TENM2: variants seen among roughly 807,000 people sequenced by gnomAD.
TENM2 encodes teneurin-2.
A neutral mutation model predicts 245.2 loss-of-function variants in TENM2; 52 were observed. The ratio of observed to expected loss-of-function variants is 0.21; its 90% CI spans 0.17 to 0.27. TENM2 has a LOEUF of 0.27. Among genes scored for constraint, TENM2 ranks in the 10% least tolerant of loss-of-function variants. The pLI is 1.00. For missense variants in TENM2, 3,046 were observed against 3,666.8 expected (o/e 0.83, Z 4.37); for synonymous variants, 1,363 against 1,438.9 (o/e 0.95, Z 1.19).
chr5:167,260,935 A>G, the TENM2 span, among the ~76,000 whole-genome samples: 3 of 152,318 alleles, frequency 2.0e-5, no homozygotes, highest in Admixed American at 1.3e-4. Context: ...AGAGCTTTAC[A>G]TGAACTAGGT....
chr5:167,830,156 G>T (rs559127791), intron 2 of TENM2, among the ~76,000 whole-genome samples: 125 of 152,262 alleles, frequency 8.2e-4, no homozygotes, highest in Middle Eastern at 3.4e-3. Flanking sequence ...TCATCAGATG[G>T]GCAGATGGGT....
At chr5:168,200,927 G>T (rs1212847439) in intron 17 of TENM2, among the ~76,000 whole-genome samples, 1 of 152,186 alleles carries the variant, frequency 6.6e-6, no homozygotes, top group African/African-American at 2.4e-5. Flanking sequence ...GTAAAGATAA[G>T]TTACCAAAGT....
At chr5:167,697,114 C>T (rs555872395) in intron 2 of TENM2, among the ~76,000 whole-genome samples, 30 of 152,282 alleles carry the variant, frequency 2.0e-4, no homozygotes, top group African/African-American at 7.2e-4. Context: ...AATAGCACCA[C>T]AGTCATCCCT....
the TENM2 span, among the ~76,000 whole-genome samples, chr5:167,270,995 T>G: frequency 0.12 from 17,662 of 152,112 alleles, 1,216 homozygotes; most frequent in East Asian, 0.19. Flanking sequence ...ATTCATGAAA[T>G]TGGGAGCTTG....
In TENM2 at chr5:167,633,534, A is replaced by G. The variant is rs146775145; in HGVS notation, c.503-242452A>G. ...ACATGGCAAATGCTGGATTTAATCC[A>G]AGCTAATTTTACTTCATAATATCAG... is the stretch of plus-strand genomic sequence containing the variant. On this transcript the variant is annotated intron_variant, in intron 2 of 28. Transcript: ENST00000518659. Among the ~76,000 whole-genome samples the G allele has an allele frequency of 2.8e-4, 42 of 152,322 alleles. 1 individual carries two copies. The highest frequency in any genetic ancestry group is 9.6e-4 in the African/African-American group (40 of 41,584).
In TENM2 at chr5:168,053,500, C is replaced by T. The variant is rs574024868; in HGVS notation, c.1309+5951C>T. Among the ~76,000 whole-genome samples the T allele has an allele frequency of 5.3e-5, 8 of 152,256 alleles. No individual in the cohort carries two copies. In the East Asian group the frequency reaches 1.5e-3, roughly 29 times the overall value. Reference sequence around the variant, plus strand: ...GTGGTATACCTCTGATATGTTGGCCCTTCATACCCACGGGTATCCACAGAT... The same window carrying T: ...GTGGTATACCTCTGATATGTTGGCCTTTCATACCCACGGGTATCCACAGAT... On this transcript the variant is annotated intron_variant, in intron 6 of 28. Transcript: ENST00000518659.
At chr5:168,040,099 T>C (rs1026145508) in intron 5 of TENM2, among the ~76,000 whole-genome samples, 1 of 152,158 alleles carries the variant, frequency 6.6e-6, no homozygotes, top group Admixed American at 6.5e-5. Flanking sequence ...TGCTCCCTGA[T>C]CCCAGAGCTG....
At chr5:167,106,432 T>C in the TENM2 span, among the ~76,000 whole-genome samples, 1 of 152,266 alleles carries the variant, frequency 6.6e-6, no homozygotes, top group East Asian at 1.9e-4. Context: ...AGATAGCATG[T>C]TGAGTGTATT....
intron 12 of TENM2, among the ~76,000 whole-genome samples, chr5:168,130,574 G>A (rs187437514): frequency 4.6e-4 from 70 of 152,200 alleles, no homozygotes; most frequent in African/African-American, 1.7e-3. Context: ...CCTGTCATCT[G>A]CCACCACCAC....
the TENM2 span, among the ~76,000 whole-genome samples, chr5:167,035,907 TA>T: frequency 6.6e-6 from 1 of 152,120 alleles, no homozygotes; most frequent in African/African-American, 2.4e-5. Flanking sequence ...CACGCCCAGA[TA>T]ATTTTTGTAT....
rs1384799926 is a variant in TENM2 at position 167,676,426 on chromosome 5, T to TCAATGCAC, written c.503-199558_503-199551dup. On this transcript the variant is annotated intron_variant, in intron 2 of 28. Coordinates refer to ENST00000518659, the Ensembl canonical transcript of TENM2. ...TACAGTCTGGGTGAAAAGGGAAAACTCAATGCACCTGCTCTTTATTCTTAT... is the reference window on the plus strand; with the variant it reads ...TACAGTCTGGGTGAAAAGGGAAAACTCAATGCACCAATGCACCTGCTCTTTATTCTTAT... Among the ~76,000 whole-genome samples, 4 of 152,108 alleles carry TCAATGCAC rather than the reference T, an allele frequency of 2.6e-5. No homozygotes were observed. The East Asian group carries it at 7.7e-4, about 29-fold the overall frequency.
chr5:167,887,286 G>A (rs1445902147), intron 3 of TENM2, among the ~76,000 whole-genome samples: 1 of 152,226 alleles, frequency 6.6e-6, no homozygotes, highest in Non-Finnish European at 1.5e-5. Context: ...TAAAGACAAG[G>A]GTCATTTCTT....
chr5:167,063,987 C>G, the TENM2 span, among the ~76,000 whole-genome samples: 3 of 152,136 alleles, frequency 2.0e-5, no homozygotes, highest in Non-Finnish European at 4.4e-5. Flanking sequence ...GGACATCTGG[C>G]GTTATCAGGA....
At chr5:167,304,528 T>C (rs1419585916) in intron 1 of TENM2, among the ~76,000 whole-genome samples, 1 of 152,172 alleles carries the variant, frequency 6.6e-6, no homozygotes, top group African/African-American at 2.4e-5. Context: ...TGGGAAATGG[T>C]AGATTTAAAA....
At chr5:168,061,147 ATATTT>A (rs1790002984) in intron 6 of TENM2, among the ~76,000 whole-genome samples, 1 of 152,208 alleles carries the variant, frequency 6.6e-6, no homozygotes, top group Non-Finnish European at 1.5e-5. Flanking sequence ...TAGAAGAATA[ATATTT>A]TATATTTCTT....
chr5:167,767,288 A>G (rs1763097684), intron 2 of TENM2, among the ~76,000 whole-genome samples: 1 of 152,216 alleles, frequency 6.6e-6, no homozygotes, highest in Admixed American at 6.5e-5. Context: ...AATTGAAAAA[A>G]CCAGACATGA....
chr5:167,731,508 G>C (rs1760434991), intron 2 of TENM2, among the ~76,000 whole-genome samples: 3 of 152,060 alleles, frequency 2.0e-5, no homozygotes, highest in Admixed American at 2.0e-4. Context: ...CAGTCCTCCA[G>C]ACCCTTCAGG....
chr5:167,603,136 T>C (rs1376662701), intron 2 of TENM2, among the ~76,000 whole-genome samples: 1 of 152,158 alleles, frequency 6.6e-6, no homozygotes, highest in Non-Finnish European at 1.5e-5. Flanking sequence ...AACTGAGCCA[T>C]CACTAGATCC....
chr5:167,140,634 T>G, the TENM2 span, among the ~76,000 whole-genome samples: 1 of 152,156 alleles, frequency 6.6e-6, no homozygotes, highest in Non-Finnish European at 1.5e-5. Context: ...CTAAGAGTCT[T>G]GTAGTAAAAC....
Sources: allele counts gnomAD v4.1 joint callset (sites outside exome capture counted in the v4.1 genomes callset), GRCh38; gene constraint gnomAD v4.1.1; transcripts MANE v1.5; gene names NCBI Gene and HGNC (gene_info 2026-07-23, HGNC 2026-07-21).